CUEDC1: variants seen among roughly 807,000 people sequenced by gnomAD.
CUEDC1 encodes the protein CUE domain containing 1.
A neutral mutation model predicts 43.7 loss-of-function variants in CUEDC1; 30 were observed. The ratio of observed to expected loss-of-function variants is 0.69; its 90% CI spans 0.51 to 0.93. The LOEUF is 0.93. Among genes scored for constraint, CUEDC1 ranks in the 40% least tolerant of loss-of-function variants. The pLI is 0.00. For synonymous variants in CUEDC1, 223 were observed against 223.6 expected (o/e 1.00, Z 0.02); for missense variants, 486 against 549.0 (o/e 0.89, Z 1.15).
intron 1 of CUEDC1, among the ~76,000 whole-genome samples, chr17:57,889,066 G>A (rs547455902): frequency 3.7e-4 from 57 of 152,288 alleles, no homozygotes; most frequent in African/African-American, 1.0e-3. Flanking sequence ...TAGGGAACAC[G>A]CACCAGTTCA....
chr17:57,904,971 C>T (rs2074513252), intron 1 of CUEDC1, among the ~76,000 whole-genome samples: 1 of 152,110 alleles, frequency 6.6e-6, no homozygotes, highest in Non-Finnish European at 1.5e-5. Context: ...CAGAGTCAAG[C>T]GGCCAAGATG....
intron 3 of CUEDC1, among the ~76,000 whole-genome samples, chr17:57,876,877 G>A (rs1439487287): frequency 1.3e-5 from 2 of 152,194 alleles, no homozygotes; most frequent in Non-Finnish European, 2.9e-5. Context: ...ACCTGGGTCT[G>A]TGCTAAGTGC....
At chr17:57,928,922 A>G (rs986128845) in intron 1 of CUEDC1, among the ~76,000 whole-genome samples, 20 of 151,932 alleles carry the variant, frequency 1.3e-4, no homozygotes, top group African/African-American at 1.9e-4. Flanking sequence ...CATTGTCCCA[A>G]TTCTGATCCT....
At chr17:57,937,212 G>T (rs565378372) in intron 1 of CUEDC1, among the ~76,000 whole-genome samples, 78 of 152,248 alleles carry the variant, frequency 5.1e-4, no homozygotes, top group African/African-American at 1.8e-3. Flanking sequence ...GTTAACATTT[G>T]ATTGCACATT....
At chr17:57,911,634 C>T (rs2074584498) in intron 1 of CUEDC1, among the ~76,000 whole-genome samples, 1 of 152,192 alleles carries the variant, frequency 6.6e-6, no homozygotes, top group African/African-American at 2.4e-5. Context: ...TCCCGAGTAG[C>T]TGGGATTACA....
intron 1 of CUEDC1, among the ~76,000 whole-genome samples, chr17:57,892,873 C>A (rs2074370196): frequency 6.6e-6 from 1 of 152,242 alleles, no homozygotes; most frequent in African/African-American, 2.4e-5. Context: ...GTGCCACCAC[C>A]TTCTAGCCCT....
Position 57,885,692 on chromosome 17 carries a change from G to A in CUEDC1, c.-128C>T, listed in dbSNP as rs961994479. The A allele has an allele frequency of 4.6e-6, 6 of 1,292,412 alleles. No individual in the cohort carries two copies. Among genetic ancestry groups the A allele is most frequent in the East Asian group, 3.3e-5 (1 of 30,592 alleles). 80.1% of individuals were successfully genotyped at this position (1,292,412 alleles called of 1,614,324 possible). A position where few individuals can be genotyped will look rare whatever the true frequency, so the allele number is the denominator to read the frequency against. On this transcript the variant is annotated 5_prime_UTR_variant, in exon 2 of 11. Transcript: ENST00000577830. ...CTCACTCCTGCGCCTCCTCCTCCCCGGGTAGCCAGGCAGCAATGGGCTGCC... is the reference window on the plus strand; with the variant it reads ...CTCACTCCTGCGCCTCCTCCTCCCCAGGTAGCCAGGCAGCAATGGGCTGCC...
At chr17:57,902,940 C>T (rs1310170380) in intron 1 of CUEDC1, 1 of 152,266 alleles carries the variant, frequency 6.6e-6, no homozygotes, top group African/African-American at 2.4e-5. Context: ...GGATTCTACC[C>T]CAGAGCCCAC....
chr17:57,869,016 A>T, intron 7 of CUEDC1, 106 bp downstream of exon 7: 2 of 1,124,466 alleles, frequency 1.8e-6, no homozygotes, highest in Non-Finnish European at 2.6e-6. Context: ...TGGTTCACCA[A>T]GAGTCAGCTG....
chr17:57,902,099 AGGAGGCAGAGGTTGCAG>A (rs1319582201), intron 1 of CUEDC1, among the ~76,000 whole-genome samples: 2 of 151,878 alleles, frequency 1.3e-5, no homozygotes, highest in African/African-American at 2.4e-5. Flanking sequence ...GCTTGAGCCC[AGGAGGCAGAGGTTGCAG>A]GGAGGCAGAG....
intron 2 of CUEDC1, among the ~76,000 whole-genome samples, chr17:57,882,631 T>C (rs80242042): frequency 0.13 from 20,049 of 152,172 alleles, 1,653 homozygotes; most frequent in Non-Finnish European, 0.18. Flanking sequence ...GTAGATTTTC[T>C]TCCACCTCCA....
rs771706954 is a variant in CUEDC1, at chr17:57,866,495, GCCTTCCT to G, written c.1136_1142del (p.Glu379AlafsTer67). Reference sequence around the variant, plus strand: ...TTACCTCTTACTGTCCTTCTCGCAGGCCTTCCTCCACCTTGGGTGCCTCCTGACGCCT... The same window carrying G: ...TTACCTCTTACTGTCCTTCTCGCAGGCCACCTTGGGTGCCTCCTGACGCCT... On this transcript the variant is annotated frameshift_variant, in exon 10 of 11. Coordinates refer to ENST00000577830, the MANE Select transcript of CUEDC1 (RefSeq NM_001271875.2). LOFTEE classifies it high-confidence loss of function. The G allele has an allele frequency of 1.1e-5, 17 of 1,614,064 alleles. No homozygotes were observed. Among genetic ancestry groups the G allele is most frequent in the Non-Finnish European group, 1.4e-5 (16 of 1,180,030 alleles).
chr17:57,871,618 C>G (rs2074035917), intron 5 of CUEDC1, among the ~76,000 whole-genome samples: 1 of 152,146 alleles, frequency 6.6e-6, no homozygotes, highest in Admixed American at 6.5e-5. Flanking sequence ...GAGTCCAAAC[C>G]CCCTCATTTA....
At chr17:57,886,542 A>T (rs1180807752) in intron 1 of CUEDC1, among the ~76,000 whole-genome samples, 1 of 152,198 alleles carries the variant, frequency 6.6e-6, no homozygotes, top group Admixed American at 6.5e-5. Flanking sequence ...TCGGGCTAAT[A>T]GGGGAGGCCC....
intron 1 of CUEDC1, among the ~76,000 whole-genome samples, chr17:57,891,645 C>T (rs990000107): frequency 6.6e-6 from 1 of 152,214 alleles, no homozygotes; most frequent in Admixed American, 6.5e-5. Flanking sequence ...CAGAGCCTAA[C>T]TCTCTGTGGC....
Position 57,897,876 on chromosome 17 carries a change from G to T in CUEDC1, c.-315-11997C>A, listed in dbSNP as rs1022334018. Among the ~76,000 whole-genome samples, 5 of 152,152 alleles carry T rather than the reference G, an allele frequency of 3.3e-5. No individual in the cohort carries two copies. In the South Asian group the frequency reaches 1.0e-3, roughly 31 times the overall value. On this transcript the variant is annotated intron_variant, in intron 1 of 10. Transcript: ENST00000577830. ...AAAAATACAAAACTTAGCTGGGCGT[G>T]GTGGCAGGTGCCTGTAATCTCAGCG...
At chr17:57,926,978 C>A (rs1425938244) in intron 1 of CUEDC1, among the ~76,000 whole-genome samples, 1 of 152,080 alleles carries the variant, frequency 6.6e-6, no homozygotes, top group Non-Finnish European at 1.5e-5. Context: ...AGGTTGGAAC[C>A]CAGCATCTCT....
At chr17:57,882,247 A>C (rs2074217255) in intron 2 of CUEDC1, among the ~76,000 whole-genome samples, 2 of 150,624 alleles carry the variant, frequency 1.3e-5, no homozygotes, top group Admixed American at 1.3e-4. Flanking sequence ...TTTCCGAAGC[A>C]CTTTCCGCTG....
intron 1 of CUEDC1, among the ~76,000 whole-genome samples, chr17:57,941,588 A>G (rs1210832213): frequency 2.6e-5 from 4 of 152,234 alleles, no homozygotes; most frequent in Non-Finnish European, 5.9e-5. Flanking sequence ...AAGGGAAGTT[A>G]CTATACTAAC....
Sources: allele counts gnomAD v4.1 joint callset (sites outside exome capture counted in the v4.1 genomes callset), GRCh38; gene constraint gnomAD v4.1.1; transcripts MANE v1.5; gene names NCBI Gene and HGNC (gene_info 2026-07-23, HGNC 2026-07-21).